The following PABPC4L variants were observed in gnomAD, a reference collection of about 807,000 sequenced individuals.
PABPC4L encodes poly(A) binding protein cytoplasmic 4 like.
For synonymous variants in PABPC4L, 169 were observed against 164.1 expected, an observed-to-expected ratio of 1.03 and a Z score of -0.23; for missense variants, 452 against 451.4, an observed-to-expected ratio of 1.00 and a Z score of -0.01.
chr4:133,980,894 ACGC>A, the PABPC4L span, among the ~76,000 whole-genome samples: 1 of 152,248 alleles, frequency 6.6e-6, no homozygotes, highest in Non-Finnish European at 1.5e-5. Context: ...ACAGTGGCTC[ACGC>A]CTGTAATCCC....
the PABPC4L span, among the ~76,000 whole-genome samples, chr4:133,962,940 C>G: frequency 6.6e-6 from 1 of 151,852 alleles, no homozygotes; most frequent in Admixed American, 6.6e-5. Context: ...AACAAAAAAC[C>G]AAGATATACA....
At chr4:134,095,310 A>G in the PABPC4L span, among the ~76,000 whole-genome samples, 1 of 151,974 alleles carries the variant, frequency 6.6e-6, no homozygotes, top group Admixed American at 6.6e-5. Context: ...GTATTATAAA[A>G]TGAAATATTC....
At chr4:134,024,488 C>A in the PABPC4L span, among the ~76,000 whole-genome samples, 1 of 152,140 alleles carries the variant, frequency 6.6e-6, no homozygotes, top group Non-Finnish European at 1.5e-5. Flanking sequence ...CATGGCCTCT[C>A]TTCTGCCAAT....
At chr4:134,109,171 A>G in the PABPC4L span, among the ~76,000 whole-genome samples, 1 of 152,028 alleles carries the variant, frequency 6.6e-6, no homozygotes, top group Non-Finnish European at 1.5e-5. Context: ...AGTATGTATC[A>G]TAAGATTTTC....
the PABPC4L span, among the ~76,000 whole-genome samples, chr4:134,014,482 C>A: frequency 6.6e-6 from 1 of 152,164 alleles, no homozygotes; most frequent in South Asian, 2.1e-4. Context: ...CCAAGGAATG[C>A]CTGCAGCCCA....
the PABPC4L span, among the ~76,000 whole-genome samples, chr4:134,010,425 GCTTT>G: frequency 6.6e-6 from 1 of 152,030 alleles, no homozygotes; most frequent in Non-Finnish European, 1.5e-5. Flanking sequence ...AACCATAAAA[GCTTT>G]CTAATATGGC....
chr4:134,191,202 G>A, the PABPC4L span, among the ~76,000 whole-genome samples: 1 of 151,970 alleles, frequency 6.6e-6, no homozygotes, highest in Admixed American at 6.6e-5. Context: ...GTTTTCTCTT[G>A]ATTCTATATA....
the PABPC4L span, among the ~76,000 whole-genome samples, chr4:133,974,091 A>T: frequency 2.6e-5 from 4 of 152,170 alleles, no homozygotes; most frequent in African/African-American, 9.7e-5. Context: ...GATAACTCAC[A>T]CTTTCTGATT....
the PABPC4L span, among the ~76,000 whole-genome samples, chr4:134,112,296 T>C: frequency 1.3e-5 from 2 of 152,062 alleles, no homozygotes; most frequent in South Asian, 2.1e-4. Flanking sequence ...AAATACTAGT[T>C]AAAAATTGGT....
chr4:134,061,620 C>CAGAGAGAGAGAG, the PABPC4L span, among the ~76,000 whole-genome samples: 2 of 143,348 alleles, frequency 1.4e-5, no homozygotes, highest in African/African-American at 5.2e-5. Flanking sequence ...CAAACATACA[C>CAGAGAGAGAGAG]AGAGAGAGAG....
chr4:134,053,093 AAT>A, the PABPC4L span, among the ~76,000 whole-genome samples: 1 of 152,050 alleles, frequency 6.6e-6, no homozygotes, highest in Non-Finnish European at 1.5e-5. Flanking sequence ...GTTGCCTTGA[AAT>A]CCTAGTTGCA....
the PABPC4L span, among the ~76,000 whole-genome samples, chr4:134,102,186 T>C: frequency 6.6e-6 from 1 of 151,492 alleles, no homozygotes; most frequent in Non-Finnish European, 1.5e-5. Flanking sequence ...ACAAAATAAT[T>C]TCTATGCCAG....
At chr4:134,025,238 C>G in the PABPC4L span, among the ~76,000 whole-genome samples, 1 of 137,370 alleles carries the variant, frequency 7.3e-6, no homozygotes, top group South Asian at 2.2e-4. Context: ...GAGGCTGAGA[C>G]AGGAGAATCA....
chr4:134,090,198 T>C, the PABPC4L span, among the ~76,000 whole-genome samples: 1 of 152,124 alleles, frequency 6.6e-6, no homozygotes, highest in Non-Finnish European at 1.5e-5. Context: ...TTCTATAAAA[T>C]CCAGTTATTT....
chr4:134,085,382 C>G, the PABPC4L span, among the ~76,000 whole-genome samples: 1 of 151,918 alleles, frequency 6.6e-6, no homozygotes, highest in African/African-American at 2.4e-5. Context: ...TCTATGTAAA[C>G]ATATGTGACA....
chr4:133,963,075 A>G, the PABPC4L span, among the ~76,000 whole-genome samples: 1 of 152,302 alleles, frequency 6.6e-6, no homozygotes, highest in East Asian at 1.9e-4. Flanking sequence ...TCACCAACTG[A>G]CTATCTGCTA....
chr4:134,191,377 C>G (rs1272371545), downstream of PABPC4L, among the ~76,000 whole-genome samples: 1 of 152,070 alleles, frequency 6.6e-6, no homozygotes, highest in African/African-American at 2.4e-5. Flanking sequence ...CAGCCAATAA[C>G]AGCAGAATGC....
chr4:134,116,722 T>G, the PABPC4L span, among the ~76,000 whole-genome samples: 2 of 151,746 alleles, frequency 1.3e-5, no homozygotes, highest in African/African-American at 4.8e-5. Context: ...AATATTAAGA[T>G]GTATAAATTT....
chr4:134,200,998 G>A lies in PABPC4L; in HGVS notation c.22C>T (p.Arg8Cys). 5 of 1,552,114 alleles carry A rather than the reference G, an allele frequency of 3.2e-6. 1 individual carries two copies. The highest frequency in any genetic ancestry group is 4.4e-6 in the Non-Finnish European group (5 of 1,147,176). The stretch of plus-strand genomic sequence containing the variant: ...TCACCCACATACAGGGAGGCCATGC[G>A]GTACTTGGCTGCTACATTCATCTCC... MNVAAKY[R>C]MASLYVGDLH... is the part of the protein sequence containing the mutation. Residue 8 changes from arginine to cysteine, a missense_variant, in exon 2 of 2, where the codon CGC becomes TGC. Transcript: ENST00000421491.
Sources: allele counts gnomAD v4.1 joint callset (sites outside exome capture counted in the v4.1 genomes callset), GRCh38; gene constraint gnomAD v4.1.1; transcripts MANE v1.5; gene names NCBI Gene and HGNC (gene_info 2026-07-23, HGNC 2026-07-21).